The following MAD1L1 variants were observed in gnomAD, a reference collection of about 807,000 sequenced individuals.
MAD1L1 encodes mitotic spindle assembly checkpoint protein MAD1.
In MAD1L1, 95 loss-of-function variants were observed where a neutral mutation model predicts 96.9. The observed-to-expected ratio is 0.98, with a 90% CI of 0.83 to 1.16. The LOEUF is 1.16. Ranked by LOEUF, MAD1L1 falls within the 50% of genes most tolerant of loss-of-function variation. The pLI, the probability that MAD1L1 is intolerant of heterozygous loss-of-function variation, is 0.00. For missense variants in MAD1L1, 1,007 were observed against 954.4 expected (o/e 1.06, Z -0.73); for synonymous variants, 473 against 396.6 (o/e 1.19, Z -2.29).
At chr7:1,970,221 A>T (rs1780342719) in intron 15 of MAD1L1, among the ~76,000 whole-genome samples, 1 of 151,778 alleles carries the variant, frequency 6.6e-6, no homozygotes, top group Admixed American at 6.6e-5. Flanking sequence ...ACCATGGAGG[A>T]TTCCTGAAGG....
chr7:1,935,121 G>A (rs978904594), intron 17 of MAD1L1, among the ~76,000 whole-genome samples: 31 of 152,374 alleles, frequency 2.0e-4, no homozygotes, highest in South Asian at 1.4e-3. Context: ...TGACAGCAGG[G>A]GATGGAAGGC....
At chr7:1,995,706 C>T (rs946042247) in intron 14 of MAD1L1, among the ~76,000 whole-genome samples, 2 of 152,160 alleles carry the variant, frequency 1.3e-5, no homozygotes, top group Non-Finnish European at 2.9e-5. Context: ...CACACCAGCG[C>T]GCGCGGGGAC....
In MAD1L1 at chr7:2,031,685, C is replaced by G. The variant is rs567606834; in HGVS notation, c.1219-17043G>C. Among the ~76,000 whole-genome samples the G allele has an allele frequency of 4.1e-3, 619 of 152,378 alleles. 6 individuals are homozygous for G. The highest frequency in any genetic ancestry group is 0.014 in the African/African-American group (585 of 41,590). The stretch of plus-strand genomic sequence containing the variant: ...GGAAGCCATACCCAAGCCACAGTGG[C>G]TGCAGACGGCCCCTCACCAGGGAGG... On this transcript the variant is annotated intron_variant, in intron 12 of 18. Transcript: ENST00000265854.
intron 15 of MAD1L1, among the ~76,000 whole-genome samples, chr7:1,978,656 G>A (rs1033867285): frequency 6.6e-6 from 1 of 151,750 alleles, no homozygotes; most frequent in African/African-American, 2.4e-5. Flanking sequence ...TCAACCCGAA[G>A]ACCACACGCA....
At chr7:1,880,333 T>C (rs901626765) in intron 18 of MAD1L1, among the ~76,000 whole-genome samples, 2 of 152,112 alleles carry the variant, frequency 1.3e-5, no homozygotes, top group Non-Finnish European at 2.9e-5. Flanking sequence ...CACCAGGTCA[T>C]GATGTCTCTG....
intron 14 of MAD1L1, among the ~76,000 whole-genome samples, chr7:1,985,623 T>C (rs1487576684): frequency 6.6e-6 from 1 of 152,258 alleles, no homozygotes; most frequent in Non-Finnish European, 1.5e-5. Context: ...CCCTCTGCCA[T>C]CCTGACACTT....
chr7:2,137,780 T>A (rs1788824459), intron 11 of MAD1L1, among the ~76,000 whole-genome samples: 1 of 152,232 alleles, frequency 6.6e-6, no homozygotes, highest in Non-Finnish European at 1.5e-5. Flanking sequence ...AAAGGTCTCC[T>A]GACCAGCAGT....
At chr7:2,058,755 A>G (rs1189469710) in intron 12 of MAD1L1, among the ~76,000 whole-genome samples, 12 of 45,992 alleles carry the variant, frequency 2.6e-4, no homozygotes, top group Non-Finnish European at 3.5e-4. Flanking sequence ...TAGAGGAGAG[A>G]AGCAGGGCTG....
At chr7:1,997,450 G>A (rs960386569) in intron 14 of MAD1L1, among the ~76,000 whole-genome samples, 19 of 152,242 alleles carry the variant, frequency 1.2e-4, no homozygotes, top group African/African-American at 4.1e-4. Context: ...ACCCACTGCC[G>A]AGCCAGTCAC....
chr7:2,051,572 T>C (rs1184430699), intron 12 of MAD1L1, among the ~76,000 whole-genome samples: 2 of 152,058 alleles, frequency 1.3e-5, no homozygotes, highest in African/African-American at 2.4e-5. Context: ...GAACGAGACA[T>C]TGAAACCGCA....
intron 10 of MAD1L1, among the ~76,000 whole-genome samples, chr7:2,155,814 A>G (rs548732394): frequency 4.3e-4 from 66 of 152,338 alleles, no homozygotes; most frequent in African/African-American, 1.4e-3. Context: ...TCTCGGGTGG[A>G]TACGCAGAAG....
At chr7:2,198,238 G>C (rs1792095828) in intron 10 of MAD1L1, among the ~76,000 whole-genome samples, 1 of 152,268 alleles carries the variant, frequency 6.6e-6, no homozygotes, top group Non-Finnish European at 1.5e-5. Context: ...TTACAGGTGT[G>C]AGCCAAGGCA....
chr7:1,824,175 C>T (rs1169826696), intron 18 of MAD1L1, among the ~76,000 whole-genome samples: 1 of 152,112 alleles, frequency 6.6e-6, no homozygotes, highest in Non-Finnish European at 1.5e-5. Flanking sequence ...TCCAGATAGA[C>T]GGCTCAATCC....
chr7:1,883,814 G>C (rs1192330293), intron 18 of MAD1L1, among the ~76,000 whole-genome samples: 1 of 152,186 alleles, frequency 6.6e-6, no homozygotes, highest in Non-Finnish European at 1.5e-5. Context: ...CTTCAAACCA[G>C]ATGCCAACTC....
chr7:1,830,760 T>C (rs544896953), intron 18 of MAD1L1, among the ~76,000 whole-genome samples: 1 of 151,856 alleles, frequency 6.6e-6, no homozygotes, highest in South Asian at 2.1e-4. Context: ...AAAAATACAG[T>C]TAACAAATCA....
chr7:1,933,892 C>G (rs920803565), intron 17 of MAD1L1, among the ~76,000 whole-genome samples: 1 of 152,170 alleles, frequency 6.6e-6, no homozygotes, highest in South Asian at 2.1e-4. Context: ...TCCTGGGCTG[C>G]GTTGGAGTTT....
chr7:1,893,856 C>G (rs1051302239), intron 18 of MAD1L1, among the ~76,000 whole-genome samples: 5 of 152,222 alleles, frequency 3.3e-5, no homozygotes, highest in Admixed American at 3.3e-4. Flanking sequence ...CTCCTCTGGA[C>G]AGTGGAGACC....
intron 12 of MAD1L1, among the ~76,000 whole-genome samples, chr7:2,050,449 A>G (rs1412048871): frequency 1.3e-5 from 2 of 152,132 alleles, no homozygotes; most frequent in African/African-American, 4.8e-5. Flanking sequence ...GGCCGCCTCC[A>G]CTCTGGCTGG....
Position 1,840,427 on chromosome 7 carries a change from C to T in MAD1L1, c.1999-24199G>A, listed in dbSNP as rs553132067. Among the ~76,000 whole-genome samples the T allele has an allele frequency of 3.9e-5, 6 of 152,272 alleles. 1 individual carries two copies. Among genetic ancestry groups the T allele is most frequent in the African/African-American group, 1.2e-4 (5 of 41,542 alleles). On this transcript the variant is annotated intron_variant, in intron 18 of 18. Coordinates refer to ENST00000265854, the MANE Select transcript of MAD1L1 (RefSeq NM_001013836.2). ...GTATCTGTCCTAGCAGCAGCAGAGC[C>T]GCGTCATAAACAGTAAAACAAGCCA...
Sources: allele counts gnomAD v4.1 joint callset (sites outside exome capture counted in the v4.1 genomes callset), GRCh38; gene constraint gnomAD v4.1.1; transcripts MANE v1.5; gene names NCBI Gene and HGNC (gene_info 2026-07-23, HGNC 2026-07-21).